ITPR2: variants seen among roughly 807,000 people sequenced by gnomAD.
ITPR2 encodes inositol 1,4,5-trisphosphate receptor type 2.
ITPR2 carries 207 observed loss-of-function variants against 317.1 expected under a neutral mutation model. The observed-to-expected ratio is 0.65, with a 90% confidence interval of 0.58 to 0.73. The LOEUF is 0.73. Among genes scored for constraint, ITPR2 ranks in the 30% least tolerant of loss-of-function variants. The pLI is 0.00. For missense variants in ITPR2, 2,613 were observed against 3,284.0 expected (o/e 0.80, Z 4.99); for synonymous variants, 1,156 against 1,149.1 (o/e 1.01, Z -0.12).
intron 2 of ITPR2, among the ~76,000 whole-genome samples, chr12:26,754,428 A>G (rs1057193232): frequency 1.3e-5 from 2 of 152,242 alleles, no homozygotes; most frequent in Non-Finnish European, 2.9e-5. Context: ...CGCATGGTAC[A>G]TAATTAAAAT....
chr12:26,578,174 TTC>T (rs140732351), intron 34 of ITPR2, among the ~76,000 whole-genome samples: 221 of 145,704 alleles, frequency 1.5e-3, no homozygotes, highest in Non-Finnish European at 1.8e-3. Context: ...CTTATTAACT[TTC>T]TCTCTCTCTC....
At chr12:26,807,564 C>T (rs765165489) in intron 1 of ITPR2, among the ~76,000 whole-genome samples, 10 of 152,198 alleles carry the variant, frequency 6.6e-5, no homozygotes, top group Admixed American at 2.0e-4. Flanking sequence ...AGCAGCTCTC[C>T]GTGATTTACA....
At chr12:26,354,125 T>A (rs1938562426) in intron 55 of ITPR2, among the ~76,000 whole-genome samples, 1 of 151,932 alleles carries the variant, frequency 6.6e-6, no homozygotes, top group African/African-American at 2.4e-5. Flanking sequence ...AATACAAAAA[T>A]TAGCCAGGCA....
At chr12:26,756,844 T>G (rs1949530499) in intron 2 of ITPR2, among the ~76,000 whole-genome samples, 1 of 152,192 alleles carries the variant, frequency 6.6e-6, no homozygotes, top group South Asian at 2.1e-4. Flanking sequence ...CTGGGTTAAA[T>G]GAGGCTGAGA....
intron 2 of ITPR2, among the ~76,000 whole-genome samples, chr12:26,772,481 AT>A (rs1949876184): frequency 1.8e-5 from 2 of 113,346 alleles, no homozygotes; most frequent in South Asian, 2.4e-4. Context: ...TATATATAAT[AT>A]ATATAATACA....
At chr12:26,442,374 T>G (rs1941506154) in intron 46 of ITPR2, among the ~76,000 whole-genome samples, 1 of 152,178 alleles carries the variant, frequency 6.6e-6, no homozygotes, top group African/African-American at 2.4e-5. Flanking sequence ...AGAGAGTAAG[T>G]GCTCAGTAAA....
chr12:26,602,646 T>C lies in ITPR2; in HGVS notation c.3523A>G (p.Lys1175Glu). ...GTKKPQIDSN[K>E]SNNYRIVKEI... ...TTTACAATCCGGTAGTTATTGCTCTTGTTGCTGTCAATCTGAGGTTTCTTT... is the reference window on the plus strand; with the variant it reads ...TTTACAATCCGGTAGTTATTGCTCTCGTTGCTGTCAATCTGAGGTTTCTTT... The change falls in exon 27 of 57, where the codon AAG becomes GAG. Residue 1175 changes from lysine (K) to glutamate (E), a missense_variant. Lys to Glu is a moderately conservative substitution (Grantham distance 56). This residue lies in a region of ITPR2 where 817 missense variants were observed against 897.6 expected (regional missense o/e 0.91). Transcript: ENST00000381340. 6.2e-7 allele frequency: 1 copy of C among 1,611,612 alleles called. No individual in the cohort carries two copies. Among genetic ancestry groups the C allele is most frequent in the Non-Finnish European group, 8.5e-7 (1 of 1,178,250 alleles).
intron 8 of ITPR2, among the ~76,000 whole-genome samples, chr12:26,711,611 T>C (rs902649538): frequency 6.6e-6 from 1 of 152,242 alleles, no homozygotes; most frequent in Middle Eastern, 3.2e-3. Context: ...GAGCCCACTA[T>C]GTGCCAAGTA....
intron 39 of ITPR2, among the ~76,000 whole-genome samples, chr12:26,489,687 T>C (rs940990155): frequency 1.3e-5 from 2 of 152,222 alleles, no homozygotes; most frequent in Non-Finnish European, 2.9e-5. Context: ...GTAATATAAG[T>C]ACCTCCTATA....
Position 26,831,931 on chromosome 12 carries a change from AT to A in ITPR2, c.92+758del, listed in dbSNP as rs569921814. Among the ~76,000 whole-genome samples the A allele has an allele frequency of 9.5e-5, 14 of 146,994 alleles. No homozygotes were observed. The highest frequency in any genetic ancestry group is 3.3e-3 in the Middle Eastern group (1 of 306). On this transcript the variant is annotated intron_variant, in intron 1 of 56. Coordinates refer to ENST00000381340, the MANE Select transcript of ITPR2 (RefSeq NM_002223.4). The surrounding 1 kb of genome is among the most constrained non-coding windows in gnomAD (Gnocchi z 4.9). ...TACATATATGTGTATATATATATAT[AT>A]TTTTCCCCCCATTCAACTCGAATCT...
At chr12:26,420,282 G>T (rs1267795702) in intron 49 of ITPR2, among the ~76,000 whole-genome samples, 2 of 151,998 alleles carry the variant, frequency 1.3e-5, no homozygotes, top group Non-Finnish European at 2.9e-5. Flanking sequence ...AGTTCTTTAG[G>T]TTATCTACTG....
At chr12:26,828,379 T>C (rs1178159364) in intron 1 of ITPR2, among the ~76,000 whole-genome samples, 1 of 152,226 alleles carries the variant, frequency 6.6e-6, no homozygotes, top group Non-Finnish European at 1.5e-5. Flanking sequence ...TACCCCTACA[T>C]GTACCTAGAT....
At position 26,683,937 on chromosome 12, in the gene ITPR2, G is replaced by A. The variant is rs117445226; in HGVS notation, c.1149-1264C>T. 5.5e-4 allele frequency among the ~76,000 whole-genome samples: 84 copies of A among 152,256 alleles called. No individual in the cohort carries two copies. The East Asian group carries it at 0.013, about 24-fold the overall frequency. On this transcript the variant is annotated intron_variant, in intron 11 of 56. Coordinates refer to ENST00000381340, the MANE Select transcript of ITPR2 (RefSeq NM_002223.4). Reference sequence around the variant, plus strand: ...CAGTGTAAAGATAAGGCATAAATACGTCTTAAAACATAAGGTAAAAAGCAT... The same window carrying A: ...CAGTGTAAAGATAAGGCATAAATACATCTTAAAACATAAGGTAAAAAGCAT...
chr12:26,792,712 A>C (rs1339966228), intron 1 of ITPR2, among the ~76,000 whole-genome samples: 1 of 152,146 alleles, frequency 6.6e-6, no homozygotes, highest in Non-Finnish European at 1.5e-5. Flanking sequence ...TAAATAAATA[A>C]ATGAGTCAGT....
At chr12:26,590,644 C>G (rs1945675174) in intron 32 of ITPR2, among the ~76,000 whole-genome samples, 1 of 152,158 alleles carries the variant, frequency 6.6e-6, no homozygotes, top group Admixed American at 6.5e-5. Context: ...AGACTTAAAT[C>G]TGAGATCTCA....
At chr12:26,486,000 T>C (rs1942655788) in intron 41 of ITPR2, 104 bp downstream of exon 41, 6 of 1,251,910 alleles carry the variant, frequency 4.8e-6, no homozygotes, top group Admixed American at 3.8e-5. Flanking sequence ...TTATTGATTA[T>C]CTTTCTAAAA....
intron 52 of ITPR2, chr12:26,406,664 C>T (rs1201542350): frequency 6.6e-6 from 1 of 152,032 alleles, no homozygotes; most frequent in Non-Finnish European, 1.5e-5. Context: ...TGGATGCACA[C>T]TAGGGTTTGC....
chr12:26,408,311 C>A, intron 52 of ITPR2, among the ~76,000 whole-genome samples: 1 of 152,156 alleles, frequency 6.6e-6, no homozygotes, highest in East Asian at 1.9e-4. Flanking sequence ...TCATCCTCAT[C>A]ATCAAGGTTT....
intron 10 of ITPR2, among the ~76,000 whole-genome samples, chr12:26,693,689 C>T (rs1451932916): frequency 1.3e-5 from 2 of 152,058 alleles, no homozygotes; most frequent in African/African-American, 4.8e-5. Flanking sequence ...AGATGCAAAA[C>T]CACTGGATAG....
Sources: gnomAD v4.1 joint callset for allele counts (sites outside exome capture counted in the v4.1 genomes callset) on GRCh38, gnomAD v4.1.1 for gene constraint, gnomAD v4.1.1 regional missense constraint, Gnocchi (gnomAD v3.1) non-coding constraint, MANE v1.5 for transcripts, NCBI Gene and HGNC (gene_info 2026-07-23, HGNC 2026-07-21) for gene names.